PSD3: variants seen among roughly 807,000 people sequenced by gnomAD.
PSD3 encodes PH and SEC7 domain-containing protein 3.
A neutral mutation model predicts 105.5 loss-of-function variants in PSD3; 49 were observed. The observed-to-expected ratio is 0.46, with a 90% CI of 0.37 to 0.59. PSD3 has a LOEUF of 0.59. PSD3 is among the 20% of genes least tolerant of loss of function. The probability of loss-of-function intolerance (pLI) is 0.00; values close to 1 mark genes in which losing one functional copy is unlikely to be tolerated. For synonymous variants in PSD3, 557 were observed against 457.8 expected (o/e 1.22, Z -2.77); for missense variants, 1,561 against 1,263.8 (o/e 1.24, Z -3.57).
At chr8:19,027,849 A>G (rs1827612715) in intron 1 of PSD3, among the ~76,000 whole-genome samples, 1 of 152,196 alleles carries the variant, frequency 6.6e-6, no homozygotes, top group South Asian at 2.1e-4. Flanking sequence ...CAGTTGATGG[A>G]CATTTGAGTA....
intron 4 of PSD3, among the ~76,000 whole-genome samples, chr8:18,856,862 T>A (rs974431711): frequency 1.1e-4 from 17 of 152,230 alleles, no homozygotes; most frequent in South Asian, 2.1e-4. Flanking sequence ...TTATTACTGA[T>A]AATAGCCAAC....
intron 9 of PSD3, among the ~76,000 whole-genome samples, chr8:18,751,019 T>C (rs892958563): frequency 2.0e-5 from 3 of 152,162 alleles, no homozygotes; most frequent in Admixed American, 6.5e-5. Context: ...TGGAGCTGCC[T>C]GCCAGTCCTG....
chr8:18,737,406 C>G (rs1269124997), intron 9 of PSD3, among the ~76,000 whole-genome samples: 1 of 152,130 alleles, frequency 6.6e-6, no homozygotes, highest in Non-Finnish European at 1.5e-5. Context: ...GCTCATGCAG[C>G]CTTGGCTTCC....
chr8:18,922,573 T>A (rs1249865848), intron 2 of PSD3, among the ~76,000 whole-genome samples: 1 of 152,150 alleles, frequency 6.6e-6, no homozygotes, highest in Non-Finnish European at 1.5e-5. Flanking sequence ...CTGGGTGTCC[T>A]GTAATTCAAT....
At chr8:18,590,255 T>C (rs896695114) in intron 12 of PSD3, among the ~76,000 whole-genome samples, 5 of 152,174 alleles carry the variant, frequency 3.3e-5, no homozygotes, top group Admixed American at 1.3e-4. Flanking sequence ...TCCAAAGCAG[T>C]TGATCATCTC....
chr8:18,838,009 G>A (rs1034240015), intron 4 of PSD3, among the ~76,000 whole-genome samples: 6 of 152,114 alleles, frequency 3.9e-5, no homozygotes, highest in Non-Finnish European at 5.9e-5. Context: ...AATACCTGTC[G>A]TGTACAGACA....
intron 4 of PSD3, 152 bp from the exon 5 acceptor site, chr8:18,805,050 AC>A: frequency 1.4e-6 from 1 of 717,392 alleles, no homozygotes; most frequent in Non-Finnish European, 2.2e-6. Flanking sequence ...TTTTTCAGTT[AC>A]CATATTTTAA....
intron 2 of PSD3, among the ~76,000 whole-genome samples, chr8:18,879,408 C>CG (rs953844255): frequency 5.9e-5 from 9 of 151,972 alleles, no homozygotes; most frequent in Non-Finnish European, 1.3e-4. Flanking sequence ...CTGGAACAGA[C>CG]GGGGGGAGAC....
intron 4 of PSD3, among the ~76,000 whole-genome samples, chr8:18,817,592 C>T (rs1812319038): frequency 6.6e-6 from 1 of 152,212 alleles, no homozygotes; most frequent in Non-Finnish European, 1.5e-5. Flanking sequence ...ACTGTGTACT[C>T]GTCTCAATGC....
At chr8:18,700,104 G>A (rs571485633) in intron 9 of PSD3, among the ~76,000 whole-genome samples, 6 of 152,186 alleles carry the variant, frequency 3.9e-5, no homozygotes, top group African/African-American at 1.4e-4. Context: ...CATTTTCCTA[G>A]GCCAAGAATT....
intron 1 of PSD3, among the ~76,000 whole-genome samples, chr8:18,958,957 G>A (rs79899313): frequency 0.13 from 19,867 of 147,472 alleles, 1,419 homozygotes; most frequent in Non-Finnish European, 0.17. Context: ...GTCTTGTTCT[G>A]TTGCCCAGGG....
intron 1 of PSD3, among the ~76,000 whole-genome samples, chr8:18,959,391 T>C (rs1008567681): frequency 5.9e-5 from 9 of 152,256 alleles, no homozygotes; most frequent in Admixed American, 6.5e-5. Context: ...ACTGGATTCA[T>C]ACTACCAAAA....
intron 1 of PSD3, among the ~76,000 whole-genome samples, chr8:18,943,475 T>G (rs1169268835): frequency 6.6e-6 from 1 of 151,896 alleles, no homozygotes; most frequent in Non-Finnish European, 1.5e-5. Context: ...AATGATCTAG[T>G]GATAACTGAC....
Position 18,598,410 on chromosome 8 carries a change from T to TAA in PSD3, c.2481+1952_2481+1953dup, listed in dbSNP as rs1211306767. On this transcript the variant is annotated intron_variant, in intron 12 of 15. Coordinates refer to ENST00000327040, the MANE Select transcript of PSD3 (RefSeq NM_015310.4). ...ATGTACCCTAAAACTTAGAGTATAA[T>TAA]AAAAAAAAAAAAAAAAAAAAAAAAA... 2.1e-3 allele frequency among the ~76,000 whole-genome samples: 3 copies of TAA among 1,400 alleles called. 1 individual carries two copies. The highest frequency in any genetic ancestry group is 1.3e-3 in the African/African-American group (1 of 794). The allele number at this position is 1,400 out of a possible 152,430, so 0.9% of individuals were successfully genotyped here. A position where few individuals can be genotyped will look rare whatever the true frequency, so the allele number is the denominator to read the frequency against.
intron 9 of PSD3, among the ~76,000 whole-genome samples, chr8:18,714,908 C>T (rs1367137304): frequency 6.6e-6 from 1 of 152,082 alleles, no homozygotes; most frequent in South Asian, 2.1e-4. Context: ...AGACTGCATA[C>T]AGAAAACGTG....
At chr8:18,911,219 C>T (rs1820202229) in intron 2 of PSD3, among the ~76,000 whole-genome samples, 1 of 152,196 alleles carries the variant, frequency 6.6e-6, no homozygotes. Flanking sequence ...CAGGGAGACA[C>T]AGACACAGAC....
chr8:18,896,004 T>C (rs990397008), intron 2 of PSD3, among the ~76,000 whole-genome samples: 1 of 152,234 alleles, frequency 6.6e-6, no homozygotes, highest in South Asian at 2.1e-4. Context: ...TAACCACTAT[T>C]CTACTCTACT....
At chr8:18,789,942 T>C (rs1441007086) in intron 8 of PSD3, among the ~76,000 whole-genome samples, 1 of 152,142 alleles carries the variant, frequency 6.6e-6, no homozygotes. Context: ...CTGAATAATG[T>C]GTAAGTTAGA....
At chr8:18,662,166 A>T (rs1809395921) in intron 9 of PSD3, among the ~76,000 whole-genome samples, 1 of 152,192 alleles carries the variant, frequency 6.6e-6, no homozygotes, top group African/African-American at 2.4e-5. Context: ...ATTCGTATTA[A>T]TGAACACTAG....
Sources: allele counts gnomAD v4.1 joint callset (sites outside exome capture counted in the v4.1 genomes callset), GRCh38; gene constraint gnomAD v4.1.1; transcripts MANE v1.5; gene names NCBI Gene and HGNC (gene_info 2026-07-23, HGNC 2026-07-21).